The following ADCYAP1R1 variants were observed in gnomAD, a reference collection of about 807,000 sequenced individuals.
The protein encoded by ADCYAP1R1 is pituitary adenylate cyclase-activating polypeptide type I receptor.
In ADCYAP1R1, 44 loss-of-function variants were observed where a neutral mutation model predicts 67.6. That is an observed-to-expected ratio of 0.65 (90% CI 0.51 to 0.84). ADCYAP1R1 has a LOEUF of 0.84. Among genes scored for constraint, ADCYAP1R1 ranks in the 40% least tolerant of loss-of-function variants. ADCYAP1R1 has a pLI of 0.00. For missense variants in ADCYAP1R1, 477 were observed against 587.9 expected (o/e 0.81, Z 1.95); for synonymous variants, 222 against 219.6 (o/e 1.01, Z -0.10).
chr7:31,100,732 G>A (rs1796402222), intron 13 of ADCYAP1R1, among the ~76,000 whole-genome samples: 1 of 152,208 alleles, frequency 6.6e-6, no homozygotes. Flanking sequence ...AGTGCTGAGA[G>A]ATGAAGTCAC....
chr7:31,087,893 CT>C (rs1480268320), intron 12 of ADCYAP1R1, among the ~76,000 whole-genome samples, 197 bp downstream of exon 12: 1 of 152,058 alleles, frequency 6.6e-6, no homozygotes, highest in Non-Finnish European at 1.5e-5. Context: ...CCATTTTTTC[CT>C]TATTACAAAA....
Position 31,106,379 on chromosome 7 carries a change from G to A in ADCYAP1R1, c.1219-117G>A, listed in dbSNP as rs546285978. On this transcript the variant is annotated intron_variant, in intron 15 of 15. Coordinates refer to ENST00000304166, the MANE Select transcript of ADCYAP1R1 (RefSeq NM_001118.5). ...GAGGGCCGCAGGCTGCAACTGGGGA[G>A]TGGGGAGGGTGCTGAGGGTGGCACT... 74 of 1,254,330 alleles carry A rather than the reference G, an allele frequency of 5.9e-5. No homozygotes were observed. In the African/African-American group the frequency reaches 1.0e-3, roughly 17 times the overall value. The allele number at this position is 1,254,330 out of a possible 1,614,324, so 77.7% of individuals were successfully genotyped here. A position where few individuals can be genotyped will look rare whatever the true frequency, so the allele number is the denominator to read the frequency against.
At chr7:31,095,684 G>A (rs925934146) in intron 13 of ADCYAP1R1, 3 of 717,868 alleles carry the variant, frequency 4.2e-6, no homozygotes, top group East Asian at 2.7e-5. Context: ...TTAAGCCCGC[G>A]AGTCCCCAAG....
At chr7:31,106,390 G>A in intron 15 of ADCYAP1R1, 106 bp from the exon 16 acceptor site, 1 of 1,358,490 alleles carries the variant, frequency 7.4e-7, no homozygotes, top group Non-Finnish European at 9.9e-7. Context: ...TGGGGAGGGT[G>A]CTGAGGGTGG....
chr7:31,063,991 C>T (rs889926083), intron 2 of ADCYAP1R1, among the ~76,000 whole-genome samples: 2 of 152,222 alleles, frequency 1.3e-5, no homozygotes, highest in African/African-American at 4.8e-5. Flanking sequence ...CCCTGGGAAC[C>T]ATCCCTGCCC....
chr7:31,102,884 G>GAAT lies in ADCYAP1R1; in HGVS notation c.1047-352_1047-351insATA, dbSNP rs1346614955. 7.9e-5 allele frequency among the ~76,000 whole-genome samples: 12 copies of GAAT among 152,310 alleles called. No homozygotes were observed. Among genetic ancestry groups the GAAT allele is most frequent in the African/African-American group, 2.9e-4 (12 of 41,568 alleles). ...CAGGAGAGCGGCTGCTCTGCCTGAG[G>GAAT]ACCCTGCATTTCCCACAAGCTTGTC... On this transcript the variant is annotated intron_variant, in intron 13 of 15. Transcript: ENST00000304166. The surrounding 1 kb of genome is among the most constrained non-coding windows in gnomAD (Gnocchi z 4.3).
At chr7:31,080,585 T>G in intron 4 of ADCYAP1R1, 28 bp from the exon 5 acceptor site, 1 of 1,570,350 alleles carries the variant, frequency 6.4e-7, no homozygotes, top group Non-Finnish European at 8.7e-7. Context: ...CTCTGACTTT[T>G]CTCTCTCTCT....
chr7:31,102,846 CT>C lies in ADCYAP1R1; in HGVS notation c.1047-388del, dbSNP rs1322903795. On this transcript the variant is annotated intron_variant, in intron 13 of 15. Coordinates refer to ENST00000304166, the MANE Select transcript of ADCYAP1R1 (RefSeq NM_001118.5). This position sits in a 1 kb window ranked among gnomAD's most constrained non-coding sequence, Gnocchi z 4.3. ...GGCTGCTTCTTTCAGGCACAAAGAGCTTTCTTCCAGAACAGGAGAGCGGCTG... is the reference window on the plus strand; with the variant it reads ...GGCTGCTTCTTTCAGGCACAAAGAGCTTCTTCCAGAACAGGAGAGCGGCTG... Among the ~76,000 whole-genome samples the C allele has an allele frequency of 6.6e-6, 1 of 152,192 alleles. No homozygotes were observed. Among genetic ancestry groups the C allele is most frequent in the African/African-American group, 2.4e-5 (1 of 41,454 alleles).
At chr7:31,100,621 C>T (rs781604972) in intron 13 of ADCYAP1R1, among the ~76,000 whole-genome samples, 12 of 152,186 alleles carry the variant, frequency 7.9e-5, no homozygotes, top group Non-Finnish European at 1.3e-4. Context: ...CCAGTGTCCA[C>T]AGCACTTTGT....
chr7:31,070,989 T>G lies in ADCYAP1R1; in HGVS notation c.157+6053T>G, dbSNP rs1033323517. On this transcript the variant is annotated intron_variant, in intron 3 of 15. Coordinates refer to ENST00000304166, the MANE Select transcript of ADCYAP1R1 (RefSeq NM_001118.5). Reference sequence around the variant, plus strand: ...TCCTCATTTCATGGAACAGAAACATTGGCCATAAAGTAAATTTCGGTAAAT... The same window carrying G: ...TCCTCATTTCATGGAACAGAAACATGGGCCATAAAGTAAATTTCGGTAAAT... Among the ~76,000 whole-genome samples the G allele has an allele frequency of 2.6e-5, 4 of 152,164 alleles. No homozygotes were observed. In the East Asian group the frequency reaches 7.7e-4, roughly 29 times the overall value.
At chr7:31,063,647 A>G (rs1037147117) in intron 2 of ADCYAP1R1, among the ~76,000 whole-genome samples, 3 of 152,182 alleles carry the variant, frequency 2.0e-5, no homozygotes, top group African/African-American at 7.2e-5. Flanking sequence ...TCACCAGCCC[A>G]CAATGCCCTG....
At chr7:31,077,413 G>A (rs1307713251) in intron 3 of ADCYAP1R1, among the ~76,000 whole-genome samples, 1 of 59,414 alleles carries the variant, frequency 1.7e-5, no homozygotes, top group Non-Finnish European at 3.9e-5. Flanking sequence ...TGGTGTGTGT[G>A]TGATGTGTGT....
In ADCYAP1R1 at chr7:31,108,582, T is replaced by C. The variant is rs972817286; in HGVS notation, c.*1898T>C. ...AGTTGGGTTCAGACTGCTGTGACTG[T>C]GGACACGATGCTCCTTGTTCTGGGC... On this transcript the variant is annotated 3_prime_UTR_variant, in exon 16 of 16. Coordinates refer to ENST00000304166, the MANE Select transcript of ADCYAP1R1 (RefSeq NM_001118.5). 5 of 152,412 alleles carry C rather than the reference T, an allele frequency of 3.3e-5. No homozygotes were observed. In the South Asian group the frequency reaches 1.0e-3, roughly 32 times the overall value. The allele number at this position is 152,412 out of a possible 1,614,324, so 9.4% of individuals were successfully genotyped here.
At position 31,104,905 on chromosome 7, in the gene ADCYAP1R1, G is replaced by T. The variant is rs781547594; in HGVS notation, c.1214G>T (p.Gly405Val). Residue 405 changes from glycine to valine, a missense_variant, in exon 15 of 16, where the codon GGT becomes GTT. Physicochemically the swap from Gly to Val is moderately radical, Grantham distance 109. Coordinates refer to ENST00000304166, the MANE Select transcript of ADCYAP1R1 (RefSeq NM_001118.5). ...VVAVLYCFLN[G>V]EVQAEIKRKW... ...GCTGTTCTCTACTGTTTTCTGAATG[G>T]TGAGGTAAGACCTTGGCCCTCTGGC... The T allele has an allele frequency of 6.2e-7, 1 of 1,614,214 alleles. No homozygotes were observed. Among genetic ancestry groups the T allele is most frequent in the South Asian group, 1.1e-5 (1 of 91,084 alleles).
At chr7:31,055,060 C>A (rs1211646292) in intron 1 of ADCYAP1R1, among the ~76,000 whole-genome samples, 2 of 152,150 alleles carry the variant, frequency 1.3e-5, no homozygotes, top group African/African-American at 4.8e-5. Context: ...GCTCTGGATG[C>A]CGTCAGAGGC....
At chr7:31,084,949 A>C (rs1795674921) in intron 8 of ADCYAP1R1, 115 bp downstream of exon 8, 1 of 1,006,576 alleles carries the variant, frequency 9.9e-7, no homozygotes. Flanking sequence ...CTTTGAAGGC[A>C]TTTCTCCCAC....
chr7:31,104,031 G>C (rs147743498), intron 14 of ADCYAP1R1, among the ~76,000 whole-genome samples: 1 of 152,346 alleles, frequency 6.6e-6, no homozygotes, highest in East Asian at 1.9e-4. Flanking sequence ...TTGATGGTCA[G>C]AAAGTTACTC....
intron 1 of ADCYAP1R1, among the ~76,000 whole-genome samples, chr7:31,060,494 T>C (rs73688746): frequency 0.012 from 1,866 of 150,812 alleles, 36 homozygotes; most frequent in African/African-American, 0.043. Context: ...AAGGAGTGTG[T>C]GTGTGTGGTG....
chr7:31,085,654 C>T (rs1280870728), intron 9 of ADCYAP1R1, among the ~76,000 whole-genome samples: 1 of 152,164 alleles, frequency 6.6e-6, no homozygotes, highest in Non-Finnish European at 1.5e-5. Context: ...CACTTCCAGC[C>T]AAAATGCTTC....
Sources: gnomAD v4.1 joint callset for allele counts (sites outside exome capture counted in the v4.1 genomes callset) on GRCh38, gnomAD v4.1.1 for gene constraint, Gnocchi (gnomAD v3.1) non-coding constraint, MANE v1.5 for transcripts, NCBI Gene and HGNC (gene_info 2026-07-23, HGNC 2026-07-21) for gene names.